Variants in KANK1 observed in about 807,000 individuals in gnomAD.
KANK1 encodes the protein KN motif and ankyrin repeat domain-containing protein 1.
A neutral mutation model predicts 106.2 loss-of-function variants in KANK1; 109 were observed. The ratio of observed to expected loss-of-function variants is 1.03; its 90% CI spans 0.88 to 1.20. KANK1 has a LOEUF of 1.20. Among genes scored for constraint, KANK1 ranks in the 50% most tolerant of loss-of-function variants. The probability of loss-of-function intolerance (pLI) is 0.00; values close to 1 mark genes in which losing one functional copy is unlikely to be tolerated. For synonymous variants in KANK1, 873 were observed against 652.2 expected, an observed-to-expected ratio of 1.34 and a Z score of -5.16; for missense variants, 2,399 against 1,710.7, an observed-to-expected ratio of 1.40 and a Z score of -7.10.
At chr9:636,792 G>A (rs1837240622) in intron 1 of KANK1, among the ~76,000 whole-genome samples, 1 of 152,180 alleles carries the variant, frequency 6.6e-6, no homozygotes, top group Admixed American at 6.5e-5. Context: ...GCATGAACCC[G>A]GGAGGTGGAG....
intron 7 of KANK1, among the ~76,000 whole-genome samples, chr9:736,706 A>AG (rs984275842): frequency 2.0e-5 from 3 of 152,166 alleles, no homozygotes; most frequent in Non-Finnish European, 4.4e-5. Flanking sequence ...TCAAAAAAAA[A>AG]AAAAATTCCT....
intron 1 of KANK1, among the ~76,000 whole-genome samples, chr9:510,749 A>T (rs1212882726): frequency 6.6e-6 from 1 of 152,222 alleles, no homozygotes; most frequent in East Asian, 1.9e-4. Context: ...TTTGGGAGAA[A>T]GCTGTTTGGT....
chr9:487,899 G>A (rs909199820), intron 3 of KANK1: 4 of 152,242 alleles, frequency 2.6e-5, no homozygotes, highest in African/African-American at 7.2e-5. Flanking sequence ...CAGCTTCAGC[G>A]GCCCTTTCCA....
intron 2 of KANK1, among the ~76,000 whole-genome samples, chr9:689,260 T>A (rs1211499180): frequency 6.6e-6 from 1 of 152,178 alleles, no homozygotes; most frequent in Non-Finnish European, 1.5e-5. Flanking sequence ...AGCCTTCACA[T>A]GTGTTTGGGG....
At chr9:499,071 G>A (rs1382918612) in intron 3 of KANK1, among the ~76,000 whole-genome samples, 5 of 151,896 alleles carry the variant, frequency 3.3e-5, no homozygotes, top group Admixed American at 2.0e-4. Context: ...CCAGCTACTC[G>A]GGAGGCTGAG....
chr9:509,685 C>T (rs2058942236), intron 1 of KANK1, among the ~76,000 whole-genome samples: 1 of 152,190 alleles, frequency 6.6e-6, no homozygotes, highest in Non-Finnish European at 1.5e-5. Flanking sequence ...TAGTTTTTAC[C>T]TCCCTCTTGG....
chr9:713,408 G>C lies in KANK1; in HGVS notation c.2642G>C (p.Ser881Thr). The C allele has an allele frequency of 6.2e-7, 1 of 1,611,986 alleles. No individual in the cohort carries two copies. Among genetic ancestry groups the C allele is most frequent in the Non-Finnish European group, 8.5e-7 (1 of 1,179,278 alleles). Residue 881 changes from serine to threonine, a missense_variant, in exon 3 of 12, where the codon AGC becomes ACC. Transcript: ENST00000382297. Reference protein sequence around the residue: ...SSINSVMKSASTEELRNPDFQ... With the variant: ...SSINSVMKSATTEELRNPDFQ... ...ATCAACTCTGTCATGAAATCTGCAA[G>C]CACTGAAGAGCTGAGGAACCCTGAC...
At chr9:744,772 T>G (rs1338000738) in intron 11 of KANK1, 183 bp downstream of exon 11, 1 of 1,489,290 alleles carries the variant, frequency 6.7e-7, no homozygotes, top group Non-Finnish European at 8.9e-7. Flanking sequence ...AACTAATGTT[T>G]TAGCAGAGGC....
At chr9:604,347 C>G (rs1158496987) in intron 1 of KANK1, among the ~76,000 whole-genome samples, 1 of 151,570 alleles carries the variant, frequency 6.6e-6, no homozygotes, top group African/African-American at 2.4e-5. Context: ...GAGGGAGGGA[C>G]CTGATGGGAG....
At chr9:701,547 G>A (rs185830245) in intron 2 of KANK1, among the ~76,000 whole-genome samples, 1 of 152,160 alleles carries the variant, frequency 6.6e-6, no homozygotes, top group Admixed American at 6.5e-5. Flanking sequence ...AGGAGGGCCT[G>A]TCTTGTGCAT....
chr9:624,723 T>A (rs571949608), intron 1 of KANK1, among the ~76,000 whole-genome samples: 2 of 152,044 alleles, frequency 1.3e-5, no homozygotes, highest in East Asian at 3.9e-4. Flanking sequence ...CACTTGAACC[T>A]GGGAGGTGGA....
In KANK1 at chr9:738,586, C is replaced by A. The variant is rs1367532756; in HGVS notation, c.3553+82C>A. On this transcript the variant is annotated intron_variant, in intron 8 of 11. Transcript: ENST00000382297. Reference sequence around the variant, plus strand: ...TCTCAGAGAACCTGGTTGAGCCACTCCTGAATTCTCTGACCATGCTAAAAT... The same window carrying A: ...TCTCAGAGAACCTGGTTGAGCCACTACTGAATTCTCTGACCATGCTAAAAT... 8.4e-6 allele frequency: 9 copies of A among 1,066,866 alleles called. No individual in the cohort carries two copies. The Middle Eastern group carries it at 6.0e-4, about 71-fold the overall frequency. 66.1% of individuals were successfully genotyped at this position (1,066,866 alleles called of 1,614,324 possible).
intron 1 of KANK1, among the ~76,000 whole-genome samples, chr9:533,520 A>G (rs1183732023): frequency 6.6e-6 from 1 of 152,184 alleles, no homozygotes; most frequent in Non-Finnish European, 1.5e-5. Flanking sequence ...TTGTTTATAT[A>G]TTTTACCCTC....
At position 713,131 on chromosome 9, in the gene KANK1, G is replaced by A; in HGVS notation, c.2365G>A (p.Gly789Arg). The change falls in exon 3 of 12, where the codon GGG becomes AGG. Residue 789 changes from glycine (G) to arginine (R), a missense_variant. Transcript: ENST00000382297. ...IACGPPQLTV[G>R]LTASRRSVGV... is the part of the protein sequence containing the mutation. ...TTGTGGGCCACCACAGTTGACTGTG[G>A]GGCTGACAGCCAGCAGAAGGAGCGT... is the stretch of plus-strand genomic sequence containing the variant. 6.2e-7 allele frequency: 1 copy of A among 1,600,010 alleles called. No individual in the cohort carries two copies. Among genetic ancestry groups the A allele is most frequent in the Non-Finnish European group, 8.5e-7 (1 of 1,171,058 alleles).
chr9:544,662 G>A (rs2133926335), intron 1 of KANK1, among the ~76,000 whole-genome samples: 1 of 152,208 alleles, frequency 6.6e-6, no homozygotes. Flanking sequence ...CTTCATACTG[G>A]GAACATTAAT....
At chr9:626,772 C>T (rs181619446) in intron 1 of KANK1, among the ~76,000 whole-genome samples, 6 of 152,238 alleles carry the variant, frequency 3.9e-5, no homozygotes, top group Non-Finnish European at 7.3e-5. Context: ...CATCCACCCT[C>T]GGTCTCCCTG....
intron 1 of KANK1, among the ~76,000 whole-genome samples, chr9:637,547 C>G (rs907085199): frequency 6.6e-6 from 1 of 152,106 alleles, no homozygotes; most frequent in East Asian, 1.9e-4. Context: ...ATCTAAGTCA[C>G]CAAGTCTGGG....
intron 1 of KANK1, among the ~76,000 whole-genome samples, chr9:638,371 C>A (rs957976425): frequency 1.3e-5 from 2 of 152,208 alleles, no homozygotes; most frequent in Admixed American, 1.3e-4. Flanking sequence ...CTTTTGCTTT[C>A]TCTTCCTACA....
At position 603,177 on chromosome 9, in the gene KANK1, A is replaced by G. The variant is rs143107948; in HGVS notation, c.-83-73713A>G. 1.1e-3 allele frequency among the ~76,000 whole-genome samples: 168 copies of G among 151,962 alleles called. 4 individuals carry two copies. Among genetic ancestry groups the G allele is most frequent in the African/African-American group, 3.6e-3 (148 of 41,244 alleles). On this transcript the variant is annotated intron_variant, in intron 1 of 11. Transcript: ENST00000382297. Reference sequence around the variant, plus strand: ...GGATGTTTTTCCTCTGGACCGTGGCATTGTGTAAGAAATTTCCCTACTCAT... The same window carrying G: ...GGATGTTTTTCCTCTGGACCGTGGCGTTGTGTAAGAAATTTCCCTACTCAT...
Sources: allele counts gnomAD v4.1 joint callset (sites outside exome capture counted in the v4.1 genomes callset), GRCh38; gene constraint gnomAD v4.1.1; transcripts MANE v1.5; gene names NCBI Gene and HGNC (gene_info 2026-07-23, HGNC 2026-07-21).